FAAH2: variants seen among roughly 807,000 people sequenced by gnomAD.
The protein encoded by FAAH2 is fatty acid amide hydrolase 2.
Under a neutral mutation model 36.9 loss-of-function variants are expected in FAAH2, and 60 were observed. The observed-to-expected ratio is 1.63, with a 90% confidence interval of 1.32 to 2.02. The LOEUF is 2.02. Among genes scored for constraint, FAAH2 ranks in the 30% most tolerant of loss-of-function variants. FAAH2 has a pLI of 0.00. For missense variants in FAAH2, 689 were observed against 397.5 expected (o/e 1.73, Z -6.23); for synonymous variants, 214 against 143.8 (o/e 1.49, Z -3.49).
intron 5 of FAAH2, among the ~76,000 whole-genome samples, chrX:57,344,136 T>TTA (rs1555977109): frequency 9.2e-6 from 1 of 108,485 alleles, no homozygotes; most frequent in Non-Finnish European, 1.9e-5. Context: ...TTTTTTTTTT[T>TTA]AAATTCTGTG....
chrX:57,258,716 T>A, the FAAH2 span, among the ~76,000 whole-genome samples: 1 of 104,607 alleles, frequency 9.6e-6, no homozygotes, highest in East Asian at 3.0e-4. Context: ...TGCCTTTTTT[T>A]TTTTTTTTTT....
chrX:57,384,265 C>T (rs1408655946), intron 7 of FAAH2, among the ~76,000 whole-genome samples: 4 of 106,683 alleles, frequency 3.7e-5, no homozygotes, highest in Admixed American at 3.1e-4. Flanking sequence ...TAGGCATGGG[C>T]AAGAACTTCA....
intron 10 of FAAH2, among the ~76,000 whole-genome samples, chrX:57,453,989 G>A (rs765008554): frequency 1.8e-5 from 2 of 111,293 alleles, no homozygotes; most frequent in Non-Finnish European, 3.8e-5. Context: ...CCTAACAAAA[G>A]AAGTGAGGGC....
At chrX:57,446,880 T>C (rs2056685861) in intron 8 of FAAH2, 48 bp from the exon 9 acceptor site, 1 of 1,015,441 alleles carries the variant, frequency 9.8e-7, no homozygotes, top group African/African-American at 1.9e-5. Flanking sequence ...TGGTCTTTAC[T>C]ATTTTGAGAA....
chrX:57,156,725 C>T, the FAAH2 span, among the ~76,000 whole-genome samples: 2 of 111,797 alleles, frequency 1.8e-5, no homozygotes, highest in Non-Finnish European at 3.8e-5. Context: ...TGCTCTGTTA[C>T]CTCTCTTTCT....
At chrX:57,310,488 T>G in intron 2 of FAAH2, 105 bp from the exon 3 acceptor site, 3 of 920,166 alleles carry the variant, frequency 3.3e-6, no homozygotes, top group Non-Finnish European at 4.4e-6. Context: ...TACATTAACT[T>G]TAATATGTTG....
At chrX:57,412,930 A>G (rs909996364) in intron 7 of FAAH2, among the ~76,000 whole-genome samples, 2 of 112,205 alleles carry the variant, frequency 1.8e-5, no homozygotes, top group African/African-American at 6.5e-5. Flanking sequence ...CTAACATGAG[A>G]TGGTATCTCA....
chrX:57,183,950 G>C, the FAAH2 span, among the ~76,000 whole-genome samples: 1 of 110,447 alleles, frequency 9.1e-6, no homozygotes, highest in Admixed American at 9.7e-5. Context: ...GCCACTCTGG[G>C]AATGTCTGTC....
chrX:57,375,978 G>A (rs747484028), intron 5 of FAAH2, among the ~76,000 whole-genome samples: 28 of 111,022 alleles, frequency 2.5e-4, no homozygotes, highest in Admixed American at 1.7e-3. Context: ...AAGTTTTTGT[G>A]GTAAAGATTA....
chrX:57,246,769 T>A, the FAAH2 span, among the ~76,000 whole-genome samples: 7 of 112,010 alleles, frequency 6.2e-5, no homozygotes, highest in Non-Finnish European at 1.3e-4. Flanking sequence ...TTTCTTTTCT[T>A]GACATGGTGA....
At chrX:57,126,658 G>C in the FAAH2 span, among the ~76,000 whole-genome samples, 8 of 111,631 alleles carry the variant, frequency 7.2e-5, no homozygotes, top group African/African-American at 2.0e-4. Context: ...ACATGTAGGT[G>C]GTCATGGCCA....
intron 7 of FAAH2, among the ~76,000 whole-genome samples, chrX:57,419,046 C>T (rs1361513739): frequency 9.4e-6 from 1 of 106,300 alleles, no homozygotes; most frequent in Non-Finnish European, 1.9e-5. Context: ...AGGACATGAA[C>T]TCATCATTTT....
chrX:57,373,732 C>A (rs1265694849), intron 5 of FAAH2, among the ~76,000 whole-genome samples: 1 of 111,559 alleles, frequency 9.0e-6, no homozygotes, highest in Non-Finnish European at 1.9e-5. Context: ...AATTAAGTCT[C>A]ACCTCTTTAT....
At chrX:57,249,485 G>T in the FAAH2 span, among the ~76,000 whole-genome samples, 47 of 112,226 alleles carry the variant, frequency 4.2e-4, no homozygotes, top group Non-Finnish European at 6.9e-4. Flanking sequence ...CCTAGTTAAA[G>T]ATTAGATTGA....
chrX:57,225,528 T>C, the FAAH2 span, among the ~76,000 whole-genome samples: 1 of 111,935 alleles, frequency 8.9e-6, no homozygotes, highest in Non-Finnish European at 1.9e-5. Flanking sequence ...TCAATTTTCT[T>C]AAATTTGTTG....
In FAAH2 at chrX:57,381,040, A is replaced by G; in HGVS notation, c.996+11A>G. The G allele has an allele frequency of 8.9e-7, 1 of 1,127,224 alleles. No homozygotes were observed. Among genetic ancestry groups the G allele is most frequent in the East Asian group, 3.0e-5 (1 of 33,117 alleles). The allele number at this position is 1,127,224 out of a possible 1,213,427, so 92.9% of individuals were successfully genotyped here. A position where few individuals can be genotyped will look rare whatever the true frequency, so the allele number is the denominator to read the frequency against. On this transcript the variant is annotated intron_variant, in intron 7 of 10. Coordinates refer to ENST00000374900, the MANE Select transcript of FAAH2 (RefSeq NM_174912.4). ...ATGACTCAGAAAAAGGTAATTTTAAATAAAATTTGTTTAGGAATTATTTTT... is the reference window on the plus strand; with the variant it reads ...ATGACTCAGAAAAAGGTAATTTTAAGTAAAATTTGTTTAGGAATTATTTTT...
At chrX:57,375,635 G>T (rs1393238983) in intron 5 of FAAH2, among the ~76,000 whole-genome samples, 1 of 110,447 alleles carries the variant, frequency 9.1e-6, no homozygotes, top group Non-Finnish European at 1.9e-5. Context: ...CTTGCAACTT[G>T]TTGTAATATC....
chrX:57,441,879 T>G (rs1474678943), intron 8 of FAAH2, among the ~76,000 whole-genome samples: 1 of 111,732 alleles, frequency 8.9e-6, no homozygotes, highest in African/African-American at 3.3e-5. Context: ...CAGTAGTCAT[T>G]CACGAGCAGG....
chrX:57,176,694 G>A, the FAAH2 span, among the ~76,000 whole-genome samples: 22 of 111,524 alleles, frequency 2.0e-4, no homozygotes, highest in Middle Eastern at 4.7e-3. Context: ...CTTCTCACTT[G>A]GGTAGTCTAT....
Sources: gnomAD v4.1 joint callset for allele counts (sites outside exome capture counted in the v4.1 genomes callset) on GRCh38, gnomAD v4.1.1 for gene constraint, MANE v1.5 for transcripts, NCBI Gene and HGNC (gene_info 2026-07-23, HGNC 2026-07-21) for gene names.